The following CADM2 variants were observed in gnomAD, a reference collection of about 807,000 sequenced individuals.
CADM2 encodes immunoglobulin superfamily member 4D.
Under a neutral mutation model 49.8 loss-of-function variants are expected in CADM2, and 12 were observed. That is an observed-to-expected ratio of 0.24 (90% confidence interval 0.15 to 0.39). CADM2 has a LOEUF of 0.39. CADM2 is among the 10% of genes least tolerant of loss of function. The pLI is 1.00. For missense variants in CADM2, 378 were observed against 492.3 expected, an observed-to-expected ratio of 0.77 and a Z score of 2.20; for synonymous variants, 214 against 175.4, an observed-to-expected ratio of 1.22 and a Z score of -1.74.
At chr3:85,770,827 T>G (rs2070045793) in intron 2 of CADM2, among the ~76,000 whole-genome samples, 1 of 152,182 alleles carries the variant, frequency 6.6e-6, no homozygotes, top group South Asian at 2.1e-4. Context: ...TTTCTGGTCT[T>G]AAATTACTTT....
Position 85,997,012 on chromosome 3 carries a change from C to T in CADM2, c.970+35365C>T, listed in dbSNP as rs554200422. On this transcript the variant is annotated intron_variant, in intron 8 of 9. Coordinates refer to ENST00000383699, the MANE Select transcript of CADM2 (RefSeq NM_001167675.2). ...TCATCAGAAGTGCTAAGTGATACAT[C>T]GGTCAGTGTGGAGGTGTAATTGCTT... Among the ~76,000 whole-genome samples, 36 of 152,292 alleles carry T rather than the reference C, an allele frequency of 2.4e-4. 1 individual carries two copies. The South Asian group carries it at 4.1e-3, about 18-fold the overall frequency.
intron 1 of CADM2, among the ~76,000 whole-genome samples, chr3:85,213,621 C>T (rs79467103): frequency 0.074 from 11,182 of 152,108 alleles, 1,378 homozygotes; most frequent in African/African-American, 0.25. Context: ...TATTTGACAT[C>T]TATTCGATAT....
intron 1 of CADM2, among the ~76,000 whole-genome samples, chr3:85,655,175 G>A (rs74357106): frequency 8.9e-6 from 1 of 112,752 alleles, no homozygotes; most frequent in Non-Finnish European, 2.0e-5. Flanking sequence ...TTTTTTTTTT[G>A]ACACAGTCTC....
intron 1 of CADM2, among the ~76,000 whole-genome samples, chr3:85,105,150 G>A (rs865833118): frequency 2.0e-5 from 3 of 152,126 alleles, no homozygotes; most frequent in South Asian, 2.1e-4. Context: ...TCATCAGAGG[G>A]AACAGGCAAC....
chr3:85,412,449 G>A (rs1261570512), intron 1 of CADM2, among the ~76,000 whole-genome samples: 2 of 151,976 alleles, frequency 1.3e-5, no homozygotes, highest in Non-Finnish European at 2.9e-5. Context: ...AATAAAAGCT[G>A]TAAGGTGAAT....
intron 1 of CADM2, among the ~76,000 whole-genome samples, chr3:85,157,569 G>GAGAAAAACA (rs2040171181): frequency 6.6e-6 from 1 of 152,156 alleles, no homozygotes; most frequent in Non-Finnish European, 1.5e-5. Context: ...TGACAAACCT[G>GAGAAAAACA]AGAAAAACAA....
chr3:85,257,652 G>A (rs1446035223), intron 1 of CADM2, among the ~76,000 whole-genome samples: 1 of 152,054 alleles, frequency 6.6e-6, no homozygotes, highest in Non-Finnish European at 1.5e-5. Context: ...CCCCTGGCTG[G>A]CCCAGGATTA....
At chr3:85,480,828 G>A in intron 1 of CADM2, among the ~76,000 whole-genome samples, 1 of 151,586 alleles carries the variant, frequency 6.6e-6, no homozygotes, top group Non-Finnish European at 1.5e-5. Context: ...AATTATTTTA[G>A]GACAGAGTAA....
At chr3:85,486,557 T>C (rs1220320443) in intron 1 of CADM2, among the ~76,000 whole-genome samples, 1 of 152,156 alleles carries the variant, frequency 6.6e-6, no homozygotes, top group Non-Finnish European at 1.5e-5. Flanking sequence ...GGAAATGCTA[T>C]CCTTTCCCAT....
chr3:85,309,288 G>C (rs1297169328), intron 1 of CADM2, among the ~76,000 whole-genome samples: 2 of 152,090 alleles, frequency 1.3e-5, no homozygotes, highest in Non-Finnish European at 2.9e-5. Flanking sequence ...TTATATGGTA[G>C]CAAAGAGACA....
Position 85,961,533 on chromosome 3 carries a change from A to C in CADM2, c.856A>C (p.Ser286Arg). 1 of 1,609,998 alleles carries C rather than the reference A, an allele frequency of 6.2e-7. No individual in the cohort carries two copies. Among genetic ancestry groups the C allele is most frequent in the Non-Finnish European group, 8.5e-7 (1 of 1,177,110 alleles). ...ELPDPDRMVVSGRELNILFLN... is the reference protein window; with the variant it reads ...ELPDPDRMVVRGRELNILFLN... ...ACCAGATCCTGACCGAATGGTTGTGAGTGGTAGGGAGCTAAACATTCTTTT... is the reference window on the plus strand; with the variant it reads ...ACCAGATCCTGACCGAATGGTTGTGCGTGGTAGGGAGCTAAACATTCTTTT... The change falls in exon 8 of 10, where the codon AGT (serine) becomes CGT (arginine). Residue 286 changes from serine (S) to arginine (R), a missense_variant. Physicochemically the swap from Ser to Arg is moderately radical, Grantham distance 110. Coordinates refer to ENST00000383699, the MANE Select transcript of CADM2 (RefSeq NM_001167675.2).
At chr3:86,047,991 A>C (rs1736869701) in intron 8 of CADM2, among the ~76,000 whole-genome samples, 1 of 152,168 alleles carries the variant, frequency 6.6e-6, no homozygotes. Context: ...TTACATTCTA[A>C]CTTTTCAACT....
At chr3:85,721,904 G>T (rs2067517080) in intron 1 of CADM2, among the ~76,000 whole-genome samples, 2 of 152,206 alleles carry the variant, frequency 1.3e-5, no homozygotes, top group Non-Finnish European at 2.9e-5. Context: ...CACCCAGGAA[G>T]AATGAGACAT....
intron 1 of CADM2, among the ~76,000 whole-genome samples, chr3:85,537,312 G>C (rs372589608): frequency 6.6e-6 from 1 of 151,880 alleles, no homozygotes; most frequent in South Asian, 2.1e-4. Flanking sequence ...CATCTACCTT[G>C]GCATATATTA....
intron 7 of CADM2, among the ~76,000 whole-genome samples, chr3:85,956,576 C>A (rs1201938067): frequency 6.6e-6 from 1 of 151,128 alleles, no homozygotes; most frequent in East Asian, 2.0e-4. Flanking sequence ...GGATTTAGAT[C>A]AGTGTCAGCA....
intron 7 of CADM2, among the ~76,000 whole-genome samples, chr3:85,949,929 A>G (rs999721418): frequency 6.6e-6 from 1 of 151,066 alleles, no homozygotes. Context: ...TAGGCTTCTG[A>G]TTGATTAGGA....
At chr3:85,140,087 C>T (rs1335103134) in intron 1 of CADM2, among the ~76,000 whole-genome samples, 1 of 152,052 alleles carries the variant, frequency 6.6e-6, no homozygotes, top group African/African-American at 2.4e-5. Flanking sequence ...AGGCTTGTAG[C>T]TAAGATTCGG....
chr3:85,009,095 C>T (rs1175570103), intron 1 of CADM2, among the ~76,000 whole-genome samples: 1 of 152,128 alleles, frequency 6.6e-6, no homozygotes, highest in African/African-American at 2.4e-5. Flanking sequence ...CATTTTAGAG[C>T]AGGGCTTGTT....
At chr3:85,979,363 T>TG in intron 8 of CADM2, 1 of 1,476,578 alleles carries the variant, frequency 6.8e-7, no homozygotes, top group South Asian at 1.4e-5. Flanking sequence ...GTTAAAAACA[T>TG]TGAGATTCAA....
Sources: gnomAD v4.1 joint callset for allele counts (sites outside exome capture counted in the v4.1 genomes callset) on GRCh38, gnomAD v4.1.1 for gene constraint, MANE v1.5 for transcripts, NCBI Gene and HGNC (gene_info 2026-07-23, HGNC 2026-07-21) for gene names.